CUBN: variants seen among roughly 807,000 people sequenced by gnomAD.
CUBN encodes 460 kDa receptor.
A neutral mutation model predicts 405.3 loss-of-function variants in CUBN; 282 were observed. That is an observed-to-expected ratio of 0.70 (90% CI 0.63 to 0.77). CUBN has a LOEUF of 0.77. Ranked by LOEUF, CUBN falls within the 30% of genes least tolerant of loss-of-function variation. The probability of loss-of-function intolerance (pLI) is 0.00; values close to 1 mark genes in which losing one functional copy is unlikely to be tolerated. For synonymous variants in CUBN, 1,684 were observed against 1,617.0 expected (o/e 1.04, Z -0.99); for missense variants, 4,514 against 4,475.2 (o/e 1.01, Z -0.25).
At chr10:16,909,126 C>T (rs577479860) in intron 48 of CUBN, among the ~76,000 whole-genome samples, 2 of 151,592 alleles carry the variant, frequency 1.3e-5, no homozygotes, top group African/African-American at 4.9e-5. Flanking sequence ...ACCTCATGAT[C>T]CACCCGCCTC....
At chr10:17,008,652 T>C (rs1413596945) in intron 28 of CUBN, among the ~76,000 whole-genome samples, 1 of 152,066 alleles carries the variant, frequency 6.6e-6, no homozygotes. Flanking sequence ...CTGCTTATTT[T>C]TTAGGTTTTG....
At chr10:16,829,342 G>GAAAAAAAAAAAAAAAAAA (rs71287326) in intron 65 of CUBN, among the ~76,000 whole-genome samples, 1 of 121,158 alleles carries the variant, frequency 8.3e-6, no homozygotes, top group African/African-American at 3.1e-5. Flanking sequence ...GAGCAGAATG[G>GAAAAAAAAAAAAAAAAAA]AAAAAAAAAA....
rs984581382 is a variant in CUBN at position 17,113,903 on chromosome 10, C to A, written c.883+124G>T. 7.3e-6 allele frequency: 7 copies of A among 954,498 alleles called. No individual in the cohort carries two copies. The African/African-American group carries it at 8.1e-5, about 11-fold the overall frequency. 59.1% of individuals were successfully genotyped at this position (954,498 alleles called of 1,614,324 possible). On this transcript the variant is annotated intron_variant, in intron 8 of 66. Transcript: ENST00000377833. ...GTGAGATCGTCGAGCAGAACCAGGA[C>A]ACAAAACTGGATTTGAACACCTCCT...
Position 16,907,611 on chromosome 10 carries a change from A to G in CUBN, c.7602T>C (p.Asn2534=), listed in dbSNP as rs763279807. 1.9e-6 allele frequency: 3 copies of G among 1,612,750 alleles called. No homozygotes were observed. Among genetic ancestry groups the G allele is most frequent in the Non-Finnish European group, 2.5e-6 (3 of 1,179,628 alleles). ...TTGTGTTTCCTGAAGATTTAATCTC[A>G]TTGCTTACATTCACACTACTACACA... ...EKLCSSVNVS[N]EIKSSGNTMK... The change falls in exon 49 of 67, where the codon AAT becomes AAC. Residue 2534 remains asparagine (N), a synonymous_variant. Transcript: ENST00000377833.
intron 31 of CUBN, among the ~76,000 whole-genome samples, chr10:16,968,628 T>C (rs1273837098): frequency 1.3e-5 from 2 of 152,214 alleles, no homozygotes; most frequent in African/African-American, 4.8e-5. Flanking sequence ...ACTTTCCTCT[T>C]CCTGCTCTCA....
intron 60 of CUBN, among the ~76,000 whole-genome samples, chr10:16,842,241 C>T (rs998927136): frequency 6.6e-6 from 1 of 151,964 alleles, no homozygotes; most frequent in African/African-American, 2.4e-5. Context: ...ATGGGGTCTT[C>T]CTATGTTGTC....
chr10:16,881,519 A>G lies in CUBN; in HGVS notation c.8906-4422T>C, dbSNP rs567502544. ...TTGGGGAAATGCAGAGGAAGTTGACAAGGGATTTTAGATTTTTTGTAGATG... is the reference window on the plus strand; with the variant it reads ...TTGGGGAAATGCAGAGGAAGTTGACGAGGGATTTTAGATTTTTTGTAGATG... On this transcript the variant is annotated intron_variant, in intron 56 of 66. Transcript: ENST00000377833. Among the ~76,000 whole-genome samples, 40 of 152,364 alleles carry G rather than the reference A, an allele frequency of 2.6e-4. 1 individual carries two copies. The South Asian group carries it at 7.0e-3, about 27-fold the overall frequency.
chr10:16,982,504 G>A lies in CUBN; in HGVS notation c.4675C>T (p.Pro1559Ser), dbSNP rs1801231. The A allele has an allele frequency of 0.84, 1,361,483 of 1,612,878 alleles. 587,886 individuals are homozygous for A. Among genetic ancestry groups the A allele is most frequent in the Non-Finnish European group, 0.9 (1,060,420 of 1,179,240 alleles). Residue 1559 changes from proline to serine, a missense_variant, in exon 31 of 67, where the codon CCA becomes TCA. Pro to Ser is a moderately conservative substitution (Grantham distance 74). This residue lies in a region of CUBN where 1,613 missense variants were observed against 1,542.8 expected (regional missense o/e 1.05). Coordinates refer to ENST00000377833, the MANE Select transcript of CUBN (RefSeq NM_001081.4). Reference sequence around the variant, plus strand: ...CTTACCATAATACAAGAGTCTTGTGGTTCAAGATCAAAGTCAGTGAAGTTC... The same window carrying A: ...CTTACCATAATACAAGAGTCTTGTGATTCAAGATCAAAGTCAGTGAAGTTC... ...LLNFTDFDLE[P>S]QDSCIMAYDG...
chr10:16,910,854 T>C (rs1841709924), intron 48 of CUBN, among the ~76,000 whole-genome samples: 1 of 152,058 alleles, frequency 6.6e-6, no homozygotes, highest in East Asian at 1.9e-4. Flanking sequence ...AGGTATACCA[T>C]TTTTCAAAAG....
chr10:17,119,094 T>G (rs145754047), intron 6 of CUBN, among the ~76,000 whole-genome samples: 1 of 152,298 alleles, frequency 6.6e-6, no homozygotes, highest in Non-Finnish European at 1.5e-5. Context: ...TTTTACTGAC[T>G]GAGTGAAAAA....
chr10:17,018,466 A>G (rs553405879), intron 28 of CUBN, among the ~76,000 whole-genome samples: 2 of 152,118 alleles, frequency 1.3e-5, no homozygotes, highest in East Asian at 1.9e-4. Flanking sequence ...CGGTGGGTTC[A>G]TGGTCTCGCT....
intron 31 of CUBN, among the ~76,000 whole-genome samples, chr10:16,963,187 CT>C (rs1189695066): frequency 3.6e-5 from 3 of 84,348 alleles, no homozygotes; most frequent in Non-Finnish European, 6.7e-5. Flanking sequence ...CTTTTCTTTT[CT>C]TTTTTTTCTT....
At chr10:17,057,889 A>G (rs966512661) in intron 22 of CUBN, among the ~76,000 whole-genome samples, 7 of 152,034 alleles carry the variant, frequency 4.6e-5, no homozygotes, top group Non-Finnish European at 8.8e-5. Flanking sequence ...TTGGGAGGCC[A>G]ATTTGGGCAG....
intron 21 of CUBN, among the ~76,000 whole-genome samples, chr10:17,066,885 C>G (rs1230127281): frequency 2.0e-5 from 3 of 152,006 alleles, no homozygotes; most frequent in Admixed American, 2.0e-4. Flanking sequence ...CAACAAAAAT[C>G]CTGGACAAAA....
At chr10:16,963,353 T>C (rs1368981882) in intron 31 of CUBN, among the ~76,000 whole-genome samples, 1 of 151,744 alleles carries the variant, frequency 6.6e-6, no homozygotes. Flanking sequence ...GCCCAGCTAA[T>C]TTTTTGTATT....
chr10:16,907,449 T>G, intron 49 of CUBN, 59 bp downstream of exon 49: 17 of 1,528,634 alleles, frequency 1.1e-5, no homozygotes, highest in Non-Finnish European at 1.5e-5. Context: ...TGGCAGTAGA[T>G]GGGGGCATCT....
chr10:17,071,466 T>C lies in CUBN; in HGVS notation c.2585A>G (p.Glu862Gly). The change falls in exon 19 of 67, where the codon GAA (glutamate) becomes GGA (glycine). Residue 862 changes from glutamate (E) to glycine (G), a missense_variant. By Grantham distance (98) the Glu-to-Gly change is moderately conservative. This residue lies in a region of CUBN where 1,448 missense variants were observed against 1,388.0 expected (regional missense o/e 1.04). Transcript: ENST00000377833. ...TTCACAGTGGGCAGAACTTCCAATT[T>C]CAAAGACAGTGAAGTTGAGGAGAAT... ...QVILLNFTVFEIGSSAHCETD... is the reference protein window; with the variant it reads ...QVILLNFTVFGIGSSAHCETD... 3 of 1,614,018 alleles carry C rather than the reference T, an allele frequency of 1.9e-6. No individual in the cohort carries two copies. The highest frequency in any genetic ancestry group is 2.5e-6 in the Non-Finnish European group (3 of 1,179,948).
At chr10:17,045,785 G>A in intron 24 of CUBN, 149 bp downstream of exon 24, 2 of 765,236 alleles carry the variant, frequency 2.6e-6, no homozygotes, top group South Asian at 2.9e-5. Flanking sequence ...AAAAGAAATG[G>A]CTGCTGTTAA....
At chr10:17,064,346 T>C (rs1203730075) in intron 22 of CUBN, among the ~76,000 whole-genome samples, 1 of 152,126 alleles carries the variant, frequency 6.6e-6, no homozygotes, top group African/African-American at 2.4e-5. Flanking sequence ...TTGGGTAAGA[T>C]TTTGAGTGGG....
Sources: gnomAD v4.1 joint callset for allele counts (sites outside exome capture counted in the v4.1 genomes callset) on GRCh38, gnomAD v4.1.1 for gene constraint, gnomAD v4.1.1 regional missense constraint, MANE v1.5 for transcripts, NCBI Gene and HGNC (gene_info 2026-07-23, HGNC 2026-07-21) for gene names.